Variants in MYO18B observed in about 807,000 individuals in gnomAD.
The protein encoded by MYO18B is unconventional myosin-XVIIIb.
Under a neutral mutation model 273.0 loss-of-function variants are expected in MYO18B, and 204 were observed. The ratio of observed to expected loss-of-function variants is 0.75; its 90% CI spans 0.67 to 0.84. The LOEUF (loss-of-function observed/expected upper bound fraction) is 0.84. Ranked by LOEUF, MYO18B falls within the 40% of genes least tolerant of loss-of-function variation. MYO18B has a pLI of 0.00. For missense variants in MYO18B, 3,212 were observed against 3,287.6 expected, an observed-to-expected ratio of 0.98 and a Z score of 0.56; for synonymous variants, 1,330 against 1,305.7, an observed-to-expected ratio of 1.02 and a Z score of -0.40.
At chr22:25,855,171 G>A (rs892236321) in intron 21 of MYO18B, among the ~76,000 whole-genome samples, 1 of 151,888 alleles carries the variant, frequency 6.6e-6, no homozygotes, top group Non-Finnish European at 1.5e-5. Context: ...TCATCATTTA[G>A]CTCCCACTTA....
intron 39 of MYO18B, among the ~76,000 whole-genome samples, chr22:25,970,903 C>T (rs2093030361): frequency 6.6e-6 from 1 of 152,142 alleles, no homozygotes; most frequent in Non-Finnish European, 1.5e-5. Context: ...AGACTGATGT[C>T]ACTTTTCAGC....
At chr22:25,746,586 T>A (rs942852520) in intron 1 of MYO18B, among the ~76,000 whole-genome samples, 1 of 152,304 alleles carries the variant, frequency 6.6e-6, no homozygotes, top group East Asian at 1.9e-4. Context: ...TCCAAAAATG[T>A]CCATTGGCAG....
intron 17 of MYO18B, among the ~76,000 whole-genome samples, chr22:25,841,937 C>T (rs1335503568): frequency 2.0e-5 from 3 of 152,236 alleles, no homozygotes; most frequent in Non-Finnish European, 2.9e-5. Flanking sequence ...GCTTTACTCT[C>T]CCATTGGAAG....
chr22:26,031,428 G>C (rs898392222), downstream of MYO18B, among the ~76,000 whole-genome samples: 1 of 152,110 alleles, frequency 6.6e-6, no homozygotes, highest in Admixed American at 6.5e-5. Flanking sequence ...TCCGTAGCTG[G>C]TAGATGGCTG....
chr22:25,872,642 G>T (rs1410606283), intron 22 of MYO18B, among the ~76,000 whole-genome samples: 1 of 152,002 alleles, frequency 6.6e-6, no homozygotes, highest in Non-Finnish European at 1.5e-5. Context: ...CCACTTGCTT[G>T]TAAAGGATCG....
chr22:25,848,058 G>A (rs1006184356), intron 20 of MYO18B, among the ~76,000 whole-genome samples: 10 of 152,032 alleles, frequency 6.6e-5, no homozygotes, highest in African/African-American at 2.4e-4. Context: ...TGTTGAAAAA[G>A]CCCATATTAT....
At chr22:26,050,506 T>G in the MYO18B span, among the ~76,000 whole-genome samples, 10 of 152,084 alleles carry the variant, frequency 6.6e-5, no homozygotes, top group Non-Finnish European at 1.3e-4. Context: ...ACAAAACTAT[T>G]TGAACAGATG....
chr22:25,860,878 A>G (rs1290045236), intron 21 of MYO18B, among the ~76,000 whole-genome samples: 2 of 149,944 alleles, frequency 1.3e-5, no homozygotes, highest in African/African-American at 5.0e-5. Flanking sequence ...AGTCTTATAT[A>G]TCATTGCTAT....
chr22:26,031,422 T>C (rs1188054814), downstream of MYO18B, among the ~76,000 whole-genome samples: 6 of 152,218 alleles, frequency 3.9e-5, no homozygotes, highest in African/African-American at 7.2e-5. Context: ...CCTCTCTCCG[T>C]AGCTGGTAGA....
intron 21 of MYO18B, among the ~76,000 whole-genome samples, chr22:25,861,188 G>A (rs2090724530): frequency 6.6e-6 from 1 of 152,070 alleles, no homozygotes; most frequent in African/African-American, 2.4e-5. Flanking sequence ...CTGGCATGTT[G>A]CTATCGTTTA....
At chr22:25,959,828 G>A (rs759452124) in intron 39 of MYO18B, among the ~76,000 whole-genome samples, 9 of 152,158 alleles carry the variant, frequency 5.9e-5, no homozygotes, top group African/African-American at 1.2e-4. Context: ...GGTGTCCCAC[G>A]TGTCCAATGC....
intron 37 of MYO18B, 90 bp downstream of exon 37, chr22:25,950,540 G>GTGTGTGTGTGTGTA (rs1555962207): frequency 1.4e-5 from 10 of 728,130 alleles, no homozygotes; most frequent in Non-Finnish European, 2.2e-5. Flanking sequence ...GTGTGTGTGT[G>GTGTGTGTGTGTGTA]TGTGTGTGTG....
intron 12 of MYO18B, among the ~76,000 whole-genome samples, chr22:25,802,809 A>C (rs74712470): frequency 0.066 from 9,954 of 149,790 alleles, 574 homozygotes; most frequent in East Asian, 0.21. Context: ...CCCTCTAAAC[A>C]CCCATCCCTA....
At chr22:26,045,433 G>C in the MYO18B span, among the ~76,000 whole-genome samples, 2 of 152,154 alleles carry the variant, frequency 1.3e-5, no homozygotes, top group African/African-American at 4.8e-5. Context: ...ATGTCCATCT[G>C]ATACCTATTA....
intron 12 of MYO18B, among the ~76,000 whole-genome samples, chr22:25,804,489 TG>T (rs1247261223): frequency 1.3e-5 from 2 of 152,204 alleles, no homozygotes; most frequent in Non-Finnish European, 2.9e-5. Flanking sequence ...GGCACACAGC[TG>T]GGAAGTGATG....
At chr22:25,772,682 C>T (rs893140511) in intron 7 of MYO18B, among the ~76,000 whole-genome samples, 172 bp downstream of exon 7, 5 of 152,196 alleles carry the variant, frequency 3.3e-5, no homozygotes, top group African/African-American at 1.2e-4. Flanking sequence ...CATGAGATTC[C>T]CCCATTCCCT....
chr22:25,780,210 CG>C lies in MYO18B; in HGVS notation c.2211+17del. 2.5e-6 allele frequency: 4 copies of C among 1,597,284 alleles called. No homozygotes were observed. On this transcript the variant is annotated intron_variant, in intron 9 of 43. Transcript: ENST00000335473. ...CTGCTCAGCTCCAGGTGAGGCCTCT[CG>C]GGGGATGTGCAAGGGGGCCCTTGGG...
intron 1 of MYO18B, among the ~76,000 whole-genome samples, chr22:25,758,725 G>C (rs1239875481): frequency 2.0e-5 from 3 of 151,922 alleles, no homozygotes; most frequent in Non-Finnish European, 2.9e-5. Context: ...CAGTAAATGG[G>C]CATGAAAAGA....
rs2090483100 is a variant in MYO18B, at chr22:25,853,514, A to G, written c.3885+1935A>G. On this transcript the variant is annotated intron_variant, in intron 21 of 43. Transcript: ENST00000335473. ...ATGAAATTCTGCCTGACTTGGTGCC[A>G]TCAACCACTCTGTAGCAGTCTTCGT... Among the ~76,000 whole-genome samples, 3 of 152,294 alleles carry G rather than the reference A, an allele frequency of 2.0e-5. No homozygotes were observed. The South Asian group carries it at 6.2e-4, about 32-fold the overall frequency.
Sources: allele counts gnomAD v4.1 joint callset (sites outside exome capture counted in the v4.1 genomes callset), GRCh38; gene constraint gnomAD v4.1.1; transcripts MANE v1.5; gene names NCBI Gene and HGNC (gene_info 2026-07-23, HGNC 2026-07-21).